The following IGSF11 variants were observed in gnomAD, a reference collection of about 807,000 sequenced individuals.
IGSF11 encodes the protein CXADR like 1.
Under a neutral mutation model 41.0 loss-of-function variants are expected in IGSF11, and 22 were observed. The ratio of observed to expected loss-of-function variants is 0.54; its 90% CI spans 0.38 to 0.77. The LOEUF (loss-of-function observed/expected upper bound fraction) is 0.77. Among genes scored for constraint, IGSF11 ranks in the 30% least tolerant of loss-of-function variants. The pLI is 0.00. For missense variants in IGSF11, 444 were observed against 530.8 expected (o/e 0.84, Z 1.61); for synonymous variants, 219 against 201.3 (o/e 1.09, Z -0.74).
At chr3:118,934,248 T>C (rs1352443885) in intron 1 of IGSF11, among the ~76,000 whole-genome samples, 3 of 152,180 alleles carry the variant, frequency 2.0e-5, no homozygotes. Context: ...AGATACCTCC[T>C]TGTGGCTGTA....
chr3:119,115,890 G>A (rs1241526064), intron 1 of IGSF11, among the ~76,000 whole-genome samples: 1 of 152,086 alleles, frequency 6.6e-6, no homozygotes, highest in Admixed American at 6.5e-5. Flanking sequence ...TATAAAAGTG[G>A]TGCAAAACTT....
chr3:119,074,754 A>G (rs1167859303), intron 1 of IGSF11, among the ~76,000 whole-genome samples: 1 of 152,076 alleles, frequency 6.6e-6, no homozygotes, highest in Admixed American at 6.6e-5. Context: ...CAGGAGGCTG[A>G]GGTGGGAGAA....
At chr3:119,065,748 G>A (rs149898887) in intron 1 of IGSF11, among the ~76,000 whole-genome samples, 167 of 131,790 alleles carry the variant, frequency 1.3e-3, no homozygotes, top group African/African-American at 4.9e-3. Context: ...AGCCAACATC[G>A]CACCACTGCA....
chr3:119,003,721 C>A (rs1161979221), intron 1 of IGSF11, among the ~76,000 whole-genome samples: 2 of 151,848 alleles, frequency 1.3e-5, no homozygotes, highest in East Asian at 3.9e-4. Context: ...TTGAGATAAT[C>A]ATGTGGTTTT....
intron 1 of IGSF11, among the ~76,000 whole-genome samples, chr3:119,040,267 A>C (rs1941070216): frequency 6.6e-6 from 1 of 152,108 alleles, no homozygotes; most frequent in Non-Finnish European, 1.5e-5. Context: ...GTGCAAGAAG[A>C]CAGCTTTGAC....
At chr3:118,941,871 T>C (rs1943723387) in intron 1 of IGSF11, among the ~76,000 whole-genome samples, 2 of 151,900 alleles carry the variant, frequency 1.3e-5, no homozygotes, top group Non-Finnish European at 2.9e-5. Flanking sequence ...CAGAAACAAA[T>C]GGCTATATAC....
chr3:118,906,185 A>G (rs1195485193), intron 4 of IGSF11, among the ~76,000 whole-genome samples: 1 of 152,228 alleles, frequency 6.6e-6, no homozygotes, highest in African/African-American at 2.4e-5. Context: ...CAACAATTAC[A>G]GTTGTTTGTG....
At chr3:118,905,829 T>A (rs1939523124) in intron 4 of IGSF11, 111 bp from the exon 5 acceptor site, 1 of 1,245,522 alleles carries the variant, frequency 8.0e-7, no homozygotes, top group African/African-American at 1.5e-5. Flanking sequence ...ATCAATAAAT[T>A]TCTTTTTTGT....
intron 1 of IGSF11, among the ~76,000 whole-genome samples, chr3:118,944,205 T>C (rs1411462373): frequency 6.6e-6 from 1 of 152,196 alleles, no homozygotes; most frequent in African/African-American, 2.4e-5. Context: ...AGTAAAGAGT[T>C]TGGTTATCCT....
intron 1 of IGSF11, among the ~76,000 whole-genome samples, chr3:119,047,351 T>A (rs1247993340): frequency 6.6e-6 from 1 of 152,140 alleles, no homozygotes; most frequent in Admixed American, 6.6e-5. Flanking sequence ...GCAATCCTAC[T>A]CTCTGATAAA....
intron 1 of IGSF11, among the ~76,000 whole-genome samples, chr3:119,112,009 G>A (rs920093040): frequency 6.6e-6 from 1 of 152,196 alleles, no homozygotes; most frequent in Admixed American, 6.5e-5. Flanking sequence ...CCACTGGGTG[G>A]TGCCTCCCAG....
chr3:119,106,896 G>T (rs1462235858), upstream of IGSF11, among the ~76,000 whole-genome samples: 1 of 152,104 alleles, frequency 6.6e-6, no homozygotes, highest in Non-Finnish European at 1.5e-5. Flanking sequence ...TTTCATCCAT[G>T]TCCCTACAAA....
At chr3:119,084,495 T>C (rs1256546501) in intron 1 of IGSF11, among the ~76,000 whole-genome samples, 3 of 152,152 alleles carry the variant, frequency 2.0e-5, no homozygotes, top group Non-Finnish European at 4.4e-5. Flanking sequence ...GCAGCAAGCA[T>C]GTGTGGGGTA....
intron 1 of IGSF11, among the ~76,000 whole-genome samples, chr3:119,003,808 G>A (rs543189322): frequency 1.3e-5 from 2 of 151,408 alleles, no homozygotes; most frequent in African/African-American, 4.9e-5. Context: ...TCCCAGGGAT[G>A]AAGCCCACTT....
intron 1 of IGSF11, among the ~76,000 whole-genome samples, chr3:118,961,700 C>T (rs961218268): frequency 6.6e-6 from 1 of 152,100 alleles, no homozygotes; most frequent in Non-Finnish European, 1.5e-5. Context: ...TGAGTTCAGA[C>T]AATAATAGGG....
At chr3:118,986,482 G>T (rs1187231628) in intron 1 of IGSF11, among the ~76,000 whole-genome samples, 1 of 152,152 alleles carries the variant, frequency 6.6e-6, no homozygotes, top group Non-Finnish European at 1.5e-5. Context: ...AGGCACAAGT[G>T]GGGAATTTAT....
At chr3:118,927,691 G>A (rs1467716061) in intron 3 of IGSF11, among the ~76,000 whole-genome samples, 6 of 152,142 alleles carry the variant, frequency 3.9e-5, no homozygotes, top group African/African-American at 1.4e-4. Flanking sequence ...TGAGTAGGAT[G>A]GAGGAGAATC....
At chr3:119,042,690 G>A (rs1030323400) in intron 1 of IGSF11, among the ~76,000 whole-genome samples, 5 of 152,130 alleles carry the variant, frequency 3.3e-5, no homozygotes, top group Non-Finnish European at 2.9e-5. Flanking sequence ...ACTCACTCTG[G>A]TAGCTGAAGA....
At chr3:119,034,470 T>TCGCCCCGGGCCCGC in intron 1 of IGSF11, 61 bp downstream of exon 1, 1 of 1,421,802 alleles carries the variant, frequency 7.0e-7, no homozygotes, top group Non-Finnish European at 9.3e-7. Flanking sequence ...CCAAACAGCT[T>TCGCCCCGGGCCCGC]CGCCCCGGGC....
Sources: allele counts gnomAD v4.1 joint callset (sites outside exome capture counted in the v4.1 genomes callset), GRCh38; gene constraint gnomAD v4.1.1; transcripts MANE v1.5; gene names NCBI Gene and HGNC (gene_info 2026-07-23, HGNC 2026-07-21).